PLXNA4: variants seen among roughly 807,000 people sequenced by gnomAD.
PLXNA4 encodes the protein plexin A4.
In PLXNA4, 44 loss-of-function variants were observed where a neutral mutation model predicts 191.8. That is an observed-to-expected ratio of 0.23 (90% CI 0.18 to 0.29). The LOEUF is 0.29. Among genes scored for constraint, PLXNA4 ranks in the 10% least tolerant of loss-of-function variants. PLXNA4 has a pLI of 1.00. For synonymous variants in PLXNA4, 1,082 were observed against 1,009.5 expected (o/e 1.07, Z -1.36); for missense variants, 1,800 against 2,488.8 (o/e 0.72, Z 5.89).
intron 1 of PLXNA4, among the ~76,000 whole-genome samples, chr7:132,509,555 T>TA (rs1563142520): frequency 6.6e-6 from 1 of 152,174 alleles, no homozygotes; most frequent in African/African-American, 2.4e-5. Flanking sequence ...TGCATAGCTA[T>TA]AAGTGGTAGA....
chr7:132,345,179 T>G (rs918108704), intron 3 of PLXNA4, among the ~76,000 whole-genome samples: 3 of 152,140 alleles, frequency 2.0e-5, no homozygotes, highest in Non-Finnish European at 4.4e-5. Flanking sequence ...TCTAGACTCT[T>G]AACACATTAC....
At chr7:132,499,134 C>G (rs1798145494) in intron 2 of PLXNA4, among the ~76,000 whole-genome samples, 1 of 152,348 alleles carries the variant, frequency 6.6e-6, no homozygotes, top group African/African-American at 2.4e-5. Context: ...TAGCAGTGCA[C>G]CCCTTCTAGG....
chr7:132,560,983 C>G (rs188460242), intron 1 of PLXNA4, among the ~76,000 whole-genome samples: 40 of 152,200 alleles, frequency 2.6e-4, no homozygotes, highest in Admixed American at 1.9e-3. Context: ...CCCGCTGAAC[C>G]TTGCTACAGT....
rs1182283303 is a variant in PLXNA4 at position 132,124,912 on chromosome 7, C to A, written c.*5567G>T. 1 of 152,132 alleles carries A rather than the reference C, an allele frequency of 6.6e-6. No homozygotes were observed. The highest frequency in any genetic ancestry group is 1.5e-5 in the Non-Finnish European group (1 of 68,032). The allele number at this position is 152,132 out of a possible 1,614,324, so 9.4% of individuals were successfully genotyped here. ...GCTTTCTGGTAGGCACCAGTCTACT[C>A]AAGGAATTTAATCGGGATCCTAATG... On this transcript the variant is annotated 3_prime_UTR_variant, in exon 32 of 32. Transcript: ENST00000321063.
rs533215691 is a variant in PLXNA4, at chr7:132,603,978, G to A, written c.-87+41950C>T. Among the ~76,000 whole-genome samples the A allele has an allele frequency of 1.7e-4, 26 of 152,278 alleles. No individual in the cohort carries two copies. The South Asian group carries it at 5.4e-3, about 32-fold the overall frequency. ...GGAAAGTTAATGCATGTTTTGCAAG[G>A]TTGTGGTGAGGATTTAAACGATAAC... On this transcript the variant is annotated intron_variant, in intron 2 of 4. Coordinates refer to the PLXNA4 transcript ENST00000378539.
intron 21 of PLXNA4, among the ~76,000 whole-genome samples, chr7:132,171,453 A>G (rs898801514): frequency 1.3e-5 from 2 of 152,226 alleles, no homozygotes; most frequent in South Asian, 2.1e-4. Flanking sequence ...CTGAAAGCCA[A>G]CTCGGATGTC....
intron 1 of PLXNA4, among the ~76,000 whole-genome samples, chr7:132,568,814 G>A (rs1290418134): frequency 6.6e-6 from 1 of 152,216 alleles, no homozygotes; most frequent in Non-Finnish European, 1.5e-5. Context: ...TCAGTGGTTA[G>A]GGGCAAGCAT....
At chr7:132,570,379 C>T (rs983795138) in intron 1 of PLXNA4, among the ~76,000 whole-genome samples, 3 of 152,172 alleles carry the variant, frequency 2.0e-5, no homozygotes, top group East Asian at 3.9e-4. Context: ...TCTCTAACCC[C>T]GCCACAAGAA....
At chr7:132,344,629 C>T (rs1232106783) in intron 3 of PLXNA4, among the ~76,000 whole-genome samples, 2 of 152,178 alleles carry the variant, frequency 1.3e-5, no homozygotes, top group East Asian at 1.9e-4. Context: ...TTCCTCCTTC[C>T]TCTTCTCTTC....
chr7:132,167,148 T>C (rs372371710), intron 22 of PLXNA4, among the ~76,000 whole-genome samples: 1 of 152,052 alleles, frequency 6.6e-6, no homozygotes, highest in Admixed American at 6.6e-5. Context: ...AGGCCAAAGG[T>C]ATTGGAATAA....
rs116162468 is a variant in PLXNA4 at position 132,479,496 on chromosome 7, C to T, written c.1371+9796G>A. Reference sequence around the variant, plus strand: ...GAGCTGGGTCCCCATGCAGCTGTGCCATAACACAGGGCAAGGGGAATACGG... The same window carrying T: ...GAGCTGGGTCCCCATGCAGCTGTGCTATAACACAGGGCAAGGGGAATACGG... On this transcript the variant is annotated intron_variant, in intron 3 of 31. Transcript: ENST00000321063. Among the ~76,000 whole-genome samples the T allele has an allele frequency of 8.5e-4, 129 of 152,266 alleles. 1 individual carries two copies. Among genetic ancestry groups the T allele is most frequent in the African/African-American group, 2.9e-3 (120 of 41,556 alleles).
At chr7:132,475,485 A>C (rs1797088243) in intron 3 of PLXNA4, among the ~76,000 whole-genome samples, 1 of 152,130 alleles carries the variant, frequency 6.6e-6, no homozygotes, top group African/African-American at 2.4e-5. Context: ...TGATGCCAGG[A>C]ACCGCTCTGT....
chr7:132,367,328 T>A (rs1804227100), intron 3 of PLXNA4, among the ~76,000 whole-genome samples: 1 of 152,156 alleles, frequency 6.6e-6, no homozygotes, highest in Non-Finnish European at 1.5e-5. Flanking sequence ...TCATGGACTA[T>A]GACCAAAGAA....
intron 3 of PLXNA4, among the ~76,000 whole-genome samples, chr7:132,380,051 A>G (rs1274789123): frequency 6.6e-6 from 1 of 152,180 alleles, no homozygotes; most frequent in Admixed American, 6.5e-5. Context: ...CACATTTTAT[A>G]TCAGTGTTGG....
intron 3 of PLXNA4, among the ~76,000 whole-genome samples, chr7:132,472,411 ATT>A (rs1796965172): frequency 6.6e-6 from 1 of 152,306 alleles, no homozygotes; most frequent in African/African-American, 2.4e-5. Context: ...TGATTATCAT[ATT>A]TTTAATTCCC....
chr7:132,614,438 G>A (rs1803111880), intron 2 of PLXNA4, among the ~76,000 whole-genome samples: 1 of 152,222 alleles, frequency 6.6e-6, no homozygotes. Context: ...AAAGATAGCA[G>A]GATGCAGCAG....
rs529904655 is a variant in PLXNA4, at chr7:132,231,513, C to T, written c.1605-3044G>A. On this transcript the variant is annotated intron_variant, in intron 5 of 31. Transcript: ENST00000321063. ...AATCTCAGCTCTCTGCAACCTCCAC[C>T]TCCTGGGCTCAAGCCATCCTCCCAC... is the stretch of plus-strand genomic sequence containing the variant. 1.4e-4 allele frequency among the ~76,000 whole-genome samples: 22 copies of T among 152,356 alleles called. No homozygotes were observed. In the South Asian group the frequency reaches 4.6e-3, roughly 32 times the overall value.
At chr7:132,316,119 A>AG (rs1801934681) in intron 3 of PLXNA4, among the ~76,000 whole-genome samples, 1 of 152,158 alleles carries the variant, frequency 6.6e-6, no homozygotes, top group South Asian at 2.1e-4. Flanking sequence ...GCCCTTGAAG[A>AG]GGGGCACTGT....
At chr7:132,549,379 C>A (rs1012232984) in intron 1 of PLXNA4, among the ~76,000 whole-genome samples, 2 of 152,130 alleles carry the variant, frequency 1.3e-5, no homozygotes, top group Non-Finnish European at 2.9e-5. Flanking sequence ...TTATTAACTA[C>A]TCACACCCTT....
Sources: allele counts gnomAD v4.1 joint callset (sites outside exome capture counted in the v4.1 genomes callset), GRCh38; gene constraint gnomAD v4.1.1; transcripts MANE v1.5; gene names NCBI Gene and HGNC (gene_info 2026-07-23, HGNC 2026-07-21).